PIK3C2A: variants seen among roughly 807,000 people sequenced by gnomAD.
The protein encoded by PIK3C2A is phosphatidylinositol 4-phosphate 3-kinase C2 domain-containing subunit alpha.
A neutral mutation model predicts 204.5 loss-of-function variants in PIK3C2A; 97 were observed. That is an observed-to-expected ratio of 0.47 (90% confidence interval 0.40 to 0.56). The LOEUF is 0.56. PIK3C2A is among the 20% of genes least tolerant of loss of function. The pLI, the probability that PIK3C2A is intolerant of heterozygous loss-of-function variation, is 0.00. For synonymous variants in PIK3C2A, 653 were observed against 664.4 expected (o/e 0.98, Z 0.26); for missense variants, 1,735 against 1,969.2 (o/e 0.88, Z 2.25).
chr11:17,094,675 G>A (rs574609696), intron 27 of PIK3C2A, among the ~76,000 whole-genome samples: 1 of 152,192 alleles, frequency 6.6e-6, no homozygotes, highest in Admixed American at 6.5e-5. Flanking sequence ...AGTGAACCGA[G>A]ATGGCACTGT....
rs1848196544 is a variant in PIK3C2A, at chr11:17,087,891, G to C, written c.*1847C>G. ...CATACTCATGGGTTTAACTACATAT[G>C]GACCATTAGTGTTAGGCACCAAAAA... is the stretch of plus-strand genomic sequence containing the variant. On this transcript the variant is annotated 3_prime_UTR_variant, in exon 33 of 33. Coordinates refer to ENST00000691414, the MANE Select transcript of PIK3C2A (RefSeq NM_002645.4). 1 of 152,078 alleles carries C rather than the reference G, an allele frequency of 6.6e-6. No individual in the cohort carries two copies. Among genetic ancestry groups the C allele is most frequent in the Non-Finnish European group, 1.5e-5 (1 of 68,022 alleles). The allele number at this position is 152,078 out of a possible 1,614,324, so 9.4% of individuals were successfully genotyped here.
chr11:17,141,391 C>T (rs1850060479), intron 8 of PIK3C2A: 1 of 151,432 alleles, frequency 6.6e-6, no homozygotes, highest in Admixed American at 6.6e-5. Context: ...CCTACCTCAG[C>T]CCCGAGTAGC....
At chr11:17,195,675 G>GTC (rs1852124677) in intron 1 of PIK3C2A, among the ~76,000 whole-genome samples, 1 of 151,162 alleles carries the variant, frequency 6.6e-6, no homozygotes, top group African/African-American at 2.4e-5. Flanking sequence ...CCCAGGAGGC[G>GTC]GAGGTTGCAG....
intron 21 of PIK3C2A, 26 bp from the exon 22 acceptor site, chr11:17,110,587 A>C (rs917544229): frequency 1.5e-5 from 24 of 1,596,802 alleles, no homozygotes; most frequent in Non-Finnish European, 1.9e-5. Flanking sequence ...ACAAAATGAA[A>C]CTTGTACATC....
chr11:17,129,710 G>A lies in PIK3C2A; in HGVS notation c.2232-243C>T, dbSNP rs567336323. 4.6e-5 allele frequency among the ~76,000 whole-genome samples: 7 copies of A among 152,192 alleles called. No individual in the cohort carries two copies. The East Asian group carries it at 9.7e-4, about 21-fold the overall frequency. ...GGGTTCAAGTGATTCTCCTGCCTCC[G>A]ACTCTCAAGTAGCTGGGATTATAGG... is the stretch of plus-strand genomic sequence containing the variant. On this transcript the variant is annotated intron_variant, in intron 12 of 32. Coordinates refer to ENST00000691414, the MANE Select transcript of PIK3C2A (RefSeq NM_002645.4).
At chr11:17,139,340 G>A (rs1590952746) in intron 8 of PIK3C2A, among the ~76,000 whole-genome samples, 2 of 151,792 alleles carry the variant, frequency 1.3e-5, no homozygotes, top group Non-Finnish European at 2.9e-5. Context: ...TGATTCTCCT[G>A]CCTCAGCCTC....
Position 17,112,655 on chromosome 11 carries a change from G to A in PIK3C2A, c.3333C>T (p.Phe1111=), listed in dbSNP as rs1849038314. ...TTAGGGGGACAGCATTAGAACTGAA[G>A]AAGGAACACGACTGCAAATACAACA... ...AKELNIKSCS[F]FSSNAVPLKV... is the part of the protein sequence containing the mutation. Residue 1111 remains phenylalanine, a synonymous_variant, in exon 21 of 33, where the codon TTC becomes TTT. Coordinates refer to ENST00000691414, the MANE Select transcript of PIK3C2A (RefSeq NM_002645.4). The A allele has an allele frequency of 8.0e-6, 12 of 1,498,038 alleles. No homozygotes were observed. Among genetic ancestry groups the A allele is most frequent in the African/African-American group, 1.4e-5 (1 of 70,306 alleles). The allele number at this position is 1,498,038 out of a possible 1,614,324, so 92.8% of individuals were successfully genotyped here. A position where few individuals can be genotyped will look rare whatever the true frequency, so the allele number is the denominator to read the frequency against.
intron 28 of PIK3C2A, among the ~76,000 whole-genome samples, chr11:17,093,934 T>G (rs115731141): frequency 6.6e-6 from 1 of 152,130 alleles, no homozygotes; most frequent in Non-Finnish European, 1.5e-5. Flanking sequence ...CCACCACACC[T>G]GGCAGGATAT....
Position 17,090,021 on chromosome 11 carries a change from C to T in PIK3C2A, c.4879-101G>A, listed in dbSNP as rs192837822. 263 of 815,566 alleles carry T rather than the reference C, an allele frequency of 3.2e-4. No individual in the cohort carries two copies. The African/African-American group carries it at 4.3e-3, about 13-fold the overall frequency. The allele number at this position is 815,566 out of a possible 1,614,324, so 50.5% of individuals were successfully genotyped here. On this transcript the variant is annotated intron_variant, in intron 32 of 32. Coordinates refer to ENST00000691414, the MANE Select transcript of PIK3C2A (RefSeq NM_002645.4). ...CGTGAGAATATTAGCCAAAGAGTGA[C>T]CACAATGAGTGACACTGATTATGAC... is the stretch of plus-strand genomic sequence containing the variant.
chr11:17,169,131 G>A lies in PIK3C2A; in HGVS notation c.611C>T (p.Thr204Ile), dbSNP rs61747756. ...TAAGCTTCCTTGTGGATGAAAGGGT[G>A]TGGCAGGTGTCAAAGGATATGAGAA... ...PYFSYPLTPA[T>I]PFHPQGSLPI... The change falls in exon 2 of 33, where the codon ACA (threonine) becomes ATA (isoleucine). Residue 204 changes from threonine to isoleucine, a missense_variant. Transcript: ENST00000691414. 1,489 of 1,614,188 alleles carry A rather than the reference G, an allele frequency of 9.2e-4. 25 individuals carry two copies. The African/African-American group carries it at 0.018, about 19-fold the overall frequency.
chr11:17,161,672 A>G (rs149661795), intron 2 of PIK3C2A, among the ~76,000 whole-genome samples: 1 of 152,340 alleles, frequency 6.6e-6, no homozygotes, highest in Non-Finnish European at 1.5e-5. Flanking sequence ...AGGACACTAG[A>G]TGGAAACAGG....
In PIK3C2A at chr11:17,134,963, A is replaced by G. The variant is rs568282518; in HGVS notation, c.1964T>C (p.Leu655Pro). Residue 655 changes from leucine to proline, a missense_variant, in exon 11 of 33, where the codon CTT becomes CCT. Coordinates refer to ENST00000691414, the MANE Select transcript of PIK3C2A (RefSeq NM_002645.4). ...INQLTAAIYD[L>P]LRLHANSGRS... ...ACCAGAATTTGCATGGAGTCTGAGA[A>G]GATCATAAATTGCTGCAGTTAATTG... The G allele has an allele frequency of 1.9e-6, 3 of 1,614,156 alleles. No homozygotes were observed. The South Asian group carries it at 3.3e-5, about 18-fold the overall frequency.
intron 1 of PIK3C2A, among the ~76,000 whole-genome samples, chr11:17,200,121 A>G (rs1565310380): frequency 6.6e-6 from 1 of 150,784 alleles, no homozygotes; most frequent in Non-Finnish European, 1.5e-5. Context: ...AGGAGGAGGA[A>G]GTTGCAGTGA....
chr11:17,187,134 G>A (rs1175600001), intron 1 of PIK3C2A, among the ~76,000 whole-genome samples: 1 of 152,148 alleles, frequency 6.6e-6, no homozygotes, highest in Non-Finnish European at 1.5e-5. Context: ...TACAGCTGAA[G>A]ACCTAAAGTC....
At chr11:17,207,642 C>A (rs1264717951) in intron 1 of PIK3C2A, among the ~76,000 whole-genome samples, 1 of 152,064 alleles carries the variant, frequency 6.6e-6, no homozygotes, top group Admixed American at 6.5e-5. Flanking sequence ...CACTTGCTCA[C>A]GGCCTGGGTG....
chr11:17,121,901 C>G (rs7935357), intron 15 of PIK3C2A, among the ~76,000 whole-genome samples: 3,344 of 151,542 alleles, frequency 0.022, 119 homozygotes, highest in African/African-American at 0.077. Context: ...CTATTGTTTG[C>G]CTTTTAAGTA....
chr11:17,089,524 A>G lies in PIK3C2A; in HGVS notation c.*214T>C, dbSNP rs187834222. ...TCTACATAATGACTTTAAAACAGCA[A>G]TGGCTTCCAAAAATTCAAAAAGGTT... On this transcript the variant is annotated 3_prime_UTR_variant, in exon 33 of 33. Coordinates refer to ENST00000691414, the MANE Select transcript of PIK3C2A (RefSeq NM_002645.4). The G allele has an allele frequency of 8.5e-6, 4 of 469,008 alleles. No individual in the cohort carries two copies. The East Asian group carries it at 1.0e-4, about 12-fold the overall frequency. The allele number at this position is 469,008 out of a possible 1,614,324, so 29.1% of individuals were successfully genotyped here.
At chr11:17,146,678 A>G (rs536821961) in intron 6 of PIK3C2A, among the ~76,000 whole-genome samples, 1 of 151,934 alleles carries the variant, frequency 6.6e-6, no homozygotes, top group African/African-American at 2.4e-5. Context: ...CTAAGATCAC[A>G]TCATTGCACT....
At chr11:17,183,499 A>C (rs1336007160) in intron 1 of PIK3C2A, among the ~76,000 whole-genome samples, 2 of 151,900 alleles carry the variant, frequency 1.3e-5, no homozygotes, top group African/African-American at 2.4e-5. Flanking sequence ...AACATGGTGA[A>C]ACCCCGTCTC....
Sources: allele counts gnomAD v4.1 joint callset (sites outside exome capture counted in the v4.1 genomes callset), GRCh38; gene constraint gnomAD v4.1.1; transcripts MANE v1.5; gene names NCBI Gene and HGNC (gene_info 2026-07-23, HGNC 2026-07-21).